NELL1: variants seen among roughly 807,000 people sequenced by gnomAD.
The protein encoded by NELL1 is protein kinase C-binding protein NELL1.
Under a neutral mutation model 107.4 loss-of-function variants are expected in NELL1, and 76 were observed. The ratio of observed to expected loss-of-function variants is 0.71; its 90% CI spans 0.59 to 0.86. NELL1 has a LOEUF of 0.86. Ranked by LOEUF, NELL1 falls within the 40% of genes least tolerant of loss-of-function variation. The pLI is 0.00. For synonymous variants in NELL1, 353 were observed against 341.2 expected, an observed-to-expected ratio of 1.03 and a Z score of -0.38; for missense variants, 1,024 against 1,005.5, an observed-to-expected ratio of 1.02 and a Z score of -0.25.
At chr11:20,809,993 AT>A (rs1319504472) in intron 3 of NELL1, among the ~76,000 whole-genome samples, 1 of 152,050 alleles carries the variant, frequency 6.6e-6, no homozygotes, top group Non-Finnish European at 1.5e-5. Context: ...GTGTGTGAGG[AT>A]TCCTTTTTCT....
At chr11:20,907,250 ATTTC>A (rs1850021258) in intron 5 of NELL1, among the ~76,000 whole-genome samples, 1 of 148,364 alleles carries the variant, frequency 6.7e-6, no homozygotes, top group Non-Finnish European at 1.5e-5. Flanking sequence ...AAAAAAAAAA[ATTTC>A]TTCATCAAAA....
intron 5 of NELL1, among the ~76,000 whole-genome samples, chr11:20,887,083 T>C (rs1849524285): frequency 6.6e-6 from 1 of 152,200 alleles, no homozygotes; most frequent in Non-Finnish European, 1.5e-5. Context: ...CAGAATGTTA[T>C]ATAAATGGAA....
intron 14 of NELL1, among the ~76,000 whole-genome samples, chr11:21,300,381 A>G (rs1210094756): frequency 6.6e-6 from 1 of 152,006 alleles, no homozygotes; most frequent in Non-Finnish European, 1.5e-5. Flanking sequence ...CAAGTGAGGT[A>G]GGACCTGGAG....
chr11:21,457,204 T>C (rs1415201445), intron 15 of NELL1, among the ~76,000 whole-genome samples: 1 of 152,216 alleles, frequency 6.6e-6, no homozygotes, highest in Non-Finnish European at 1.5e-5. Flanking sequence ...TTTCTGATTC[T>C]AAAAATTTAA....
chr11:21,220,903 A>G (rs1407937732), intron 13 of NELL1, among the ~76,000 whole-genome samples: 1 of 152,040 alleles, frequency 6.6e-6, no homozygotes, highest in Admixed American at 6.6e-5. Context: ...TTTGAGTACT[A>G]TGTTGACTAG....
At chr11:20,944,302 T>C (rs753766205) in intron 10 of NELL1, among the ~76,000 whole-genome samples, 1 of 152,138 alleles carries the variant, frequency 6.6e-6, no homozygotes, top group Non-Finnish European at 1.5e-5. Flanking sequence ...TCAAATATTT[T>C]CACCAAGTGT....
chr11:21,229,520 G>A (rs536130162), intron 14 of NELL1, 66 bp downstream of exon 14: 35 of 1,601,638 alleles, frequency 2.2e-5, no homozygotes, highest in Middle Eastern at 1.7e-4. Context: ...GCACTTGTGC[G>A]TCGGACCTTC....
Position 21,337,837 on chromosome 11 carries a change from T to TTTCTTTTCTTTCTTTCTTTC in NELL1, c.1550-33014_1550-33013insCTTTTCTTTCTTTCTTTCTT, listed in dbSNP as rs71034505. 1.4e-3 allele frequency among the ~76,000 whole-genome samples: 125 copies of TTTCTTTTCTTTCTTTCTTTC among 86,600 alleles called. 3 individuals carry two copies. The highest frequency in any genetic ancestry group is 5.2e-3 in the African/African-American group (111 of 21,198). The allele number at this position is 86,600 out of a possible 152,430, so 56.8% of individuals were successfully genotyped here. ...CTTTCCTTCTTTCTTTCTTTCTTTC[T>TTTCTTTTCTTTCTTTCTTTC]TTTCTTTCTTTCTTTCTTTCTTTCT... On this transcript the variant is annotated intron_variant, in intron 14 of 19. Coordinates refer to ENST00000357134, the MANE Select transcript of NELL1 (RefSeq NM_006157.5).
intron 12 of NELL1, among the ~76,000 whole-genome samples, chr11:20,964,306 A>G (rs1478682159): frequency 2.0e-5 from 3 of 152,304 alleles, no homozygotes; most frequent in African/African-American, 2.4e-5. Context: ...CTACCTAGAT[A>G]GAGTCTCATA....
chr11:21,150,892 A>G (rs2133786294), intron 13 of NELL1, among the ~76,000 whole-genome samples: 1 of 152,122 alleles, frequency 6.6e-6, no homozygotes, highest in Non-Finnish European at 1.5e-5. Context: ...TCCTCAGGAG[A>G]CTTATAATCA....
chr11:21,222,446 T>C (rs975101870), intron 13 of NELL1, among the ~76,000 whole-genome samples: 7 of 151,816 alleles, frequency 4.6e-5, no homozygotes, highest in Non-Finnish European at 7.4e-5. Flanking sequence ...TCTGCCTGCC[T>C]CGGCCTCCCA....
intron 13 of NELL1, among the ~76,000 whole-genome samples, chr11:21,204,015 C>T (rs1412022188): frequency 6.6e-6 from 1 of 152,082 alleles, no homozygotes; most frequent in Non-Finnish European, 1.5e-5. Flanking sequence ...GTGGGTAACC[C>T]GACCTTACTC....
chr11:20,876,048 C>A (rs1849298613), intron 4 of NELL1, among the ~76,000 whole-genome samples: 1 of 152,202 alleles, frequency 6.6e-6, no homozygotes. Context: ...CTTCTGACTT[C>A]TCATTTATCA....
intron 14 of NELL1, among the ~76,000 whole-genome samples, chr11:21,238,211 A>G (rs760149165): frequency 1.3e-5 from 2 of 152,086 alleles, no homozygotes; most frequent in Non-Finnish European, 2.9e-5. Context: ...CAGATTTGTC[A>G]TCAACACATC....
chr11:21,431,228 A>T (rs1451927975), intron 15 of NELL1, among the ~76,000 whole-genome samples: 1 of 152,038 alleles, frequency 6.6e-6, no homozygotes, highest in Non-Finnish European at 1.5e-5. Context: ...TGCACTGATG[A>T]TATATTTAAT....
At chr11:21,371,340 G>A (rs16907999) in intron 15 of NELL1, among the ~76,000 whole-genome samples, 16,708 of 152,058 alleles carry the variant, frequency 0.11, 1,071 homozygotes, top group African/African-American at 0.16. Flanking sequence ...AGCAGCACAT[G>A]CTCCTTGCGT....
At chr11:21,275,291 A>G (rs984713382) in intron 14 of NELL1, among the ~76,000 whole-genome samples, 4 of 152,216 alleles carry the variant, frequency 2.6e-5, no homozygotes, top group African/African-American at 9.7e-5. Context: ...AATAAACTAG[A>G]AAATCTAGAA....
intron 15 of NELL1, among the ~76,000 whole-genome samples, chr11:21,471,100 T>A (rs148154391): frequency 6.6e-6 from 1 of 152,128 alleles, no homozygotes; most frequent in Non-Finnish European, 1.5e-5. Flanking sequence ...AGGACTTCTT[T>A]CCAGATTTAT....
rs376367307 is a variant in NELL1 at position 20,796,160 on chromosome 11, C to T, written c.335+12330C>T. On this transcript the variant is annotated intron_variant, in intron 3 of 19. Coordinates refer to ENST00000357134, the MANE Select transcript of NELL1 (RefSeq NM_006157.5). ...AAGGGAAGAAGGTAGATGTTGGGAC[C>T]GTCCCACCATTTGAAATAGTAATTA... Among the ~76,000 whole-genome samples the T allele has an allele frequency of 4.6e-5, 7 of 152,154 alleles. No homozygotes were observed. The South Asian group carries it at 1.0e-3, about 23-fold the overall frequency.
Sources: allele counts gnomAD v4.1 joint callset (sites outside exome capture counted in the v4.1 genomes callset), GRCh38; gene constraint gnomAD v4.1.1; transcripts MANE v1.5; gene names NCBI Gene and HGNC (gene_info 2026-07-23, HGNC 2026-07-21).